PCLO: variants seen among roughly 807,000 people sequenced by gnomAD.
PCLO encodes piccolo presynaptic cytomatrix protein.
PCLO carries 82 observed loss-of-function variants against 427.5 expected under a neutral mutation model. The observed-to-expected ratio is 0.19, with a 90% CI of 0.16 to 0.23. The LOEUF is 0.23. Ranked by LOEUF, PCLO falls within the 10% of genes least tolerant of loss-of-function variation. The pLI, the probability that PCLO is intolerant of heterozygous loss-of-function variation, is 1.00. For missense variants in PCLO, 6,239 were observed against 6,115.9 expected (o/e 1.02, Z -0.67); for synonymous variants, 2,357 against 2,155.4 (o/e 1.09, Z -2.59).
intron 22 of PCLO, among the ~76,000 whole-genome samples, chr7:82,776,725 G>A (rs980972279): frequency 6.6e-6 from 1 of 152,108 alleles, no homozygotes; most frequent in Non-Finnish European, 1.5e-5. Flanking sequence ...AACCCAGGAG[G>A]TGGAGGTTGC....
chr7:83,078,688 T>C (rs1458423934), intron 3 of PCLO, among the ~76,000 whole-genome samples: 11 of 152,044 alleles, frequency 7.2e-5, no homozygotes, highest in African/African-American at 2.7e-4. Flanking sequence ...CACGCCGCTA[T>C]GCCCGGCTAA....
chr7:82,761,356 T>C lies in PCLO; in HGVS notation c.15142+3A>G. 1.4e-6 allele frequency: 2 copies of C among 1,414,404 alleles called. No individual in the cohort carries two copies. The highest frequency in any genetic ancestry group is 1.9e-6 in the Non-Finnish European group (2 of 1,029,644). The allele number at this position is 1,414,404 out of a possible 1,614,324, so 87.6% of individuals were successfully genotyped here. On this transcript the variant is annotated splice_donor_region_variant and intron_variant, in intron 23 of 24. Coordinates refer to ENST00000333891, the MANE Select transcript of PCLO (RefSeq NM_033026.6). ...TATTGATGATTATAATAGAATTAGA[T>C]ACCTGGTAGATGATCAGGAGACTTA...
At chr7:82,858,489 T>A (rs1792865079) in intron 10 of PCLO, among the ~76,000 whole-genome samples, 1 of 152,098 alleles carries the variant, frequency 6.6e-6, no homozygotes, top group Non-Finnish European at 1.5e-5. Context: ...AATACATCTA[T>A]ACTGGAGAAG....
At chr7:82,986,668 C>A (rs926813499) in intron 3 of PCLO, among the ~76,000 whole-genome samples, 12 of 151,944 alleles carry the variant, frequency 7.9e-5, no homozygotes, top group African/African-American at 2.9e-4. Flanking sequence ...AAACATTTTA[C>A]AAATAAAATT....
chr7:83,124,591 G>A (rs1398971899), intron 3 of PCLO, among the ~76,000 whole-genome samples: 2 of 152,258 alleles, frequency 1.3e-5, no homozygotes, highest in East Asian at 1.9e-4. Flanking sequence ...AGCCACTATG[G>A]AGAATAGTAT....
intron 10 of PCLO, among the ~76,000 whole-genome samples, chr7:82,853,944 C>T (rs1792733112): frequency 6.6e-6 from 1 of 152,068 alleles, no homozygotes; most frequent in Non-Finnish European, 1.5e-5. Context: ...TGTAAATATG[C>T]ATTTTTTGAG....
intron 3 of PCLO, among the ~76,000 whole-genome samples, chr7:83,038,148 T>C (rs7788334): frequency 7.8e-6 from 1 of 128,100 alleles, no homozygotes; most frequent in Non-Finnish European, 1.6e-5. Context: ...CACTCATATA[T>C]ACACATACAT....
chr7:82,986,275 C>T (rs1289061778), intron 3 of PCLO, among the ~76,000 whole-genome samples: 3 of 151,826 alleles, frequency 2.0e-5, no homozygotes, highest in East Asian at 3.9e-4. Flanking sequence ...TTGCAGATGG[C>T]CTCATTCATA....
chr7:83,046,968 AG>A (rs1789119262), intron 3 of PCLO, among the ~76,000 whole-genome samples: 1 of 151,918 alleles, frequency 6.6e-6, no homozygotes, highest in Non-Finnish European at 1.5e-5. Context: ...GGATAAAAAT[AG>A]CTAATTATTT....
intron 3 of PCLO, among the ~76,000 whole-genome samples, chr7:83,127,148 G>A (rs1042715255): frequency 6.6e-6 from 1 of 151,992 alleles, no homozygotes; most frequent in African/African-American, 2.4e-5. Flanking sequence ...ATGTCTGTAA[G>A]TACTGTGAGA....
chr7:83,017,724 A>AT (rs1788243461), intron 3 of PCLO, among the ~76,000 whole-genome samples: 2 of 152,060 alleles, frequency 1.3e-5, no homozygotes, highest in Non-Finnish European at 2.9e-5. Context: ...GAAAAGAGAC[A>AT]TTTAAAAAAA....
chr7:82,933,613 C>T (rs1204291025), intron 6 of PCLO, among the ~76,000 whole-genome samples: 2 of 103,746 alleles, frequency 1.9e-5, no homozygotes, highest in Non-Finnish European at 4.1e-5. Flanking sequence ...TGAAGAAATG[C>T]TCCAGATAAA....
chr7:82,998,491 G>C (rs1316628834), intron 3 of PCLO, among the ~76,000 whole-genome samples: 2 of 151,834 alleles, frequency 1.3e-5, no homozygotes. Context: ...CTGACTAGGG[G>C]GAAAGGAAAT....
intron 3 of PCLO, among the ~76,000 whole-genome samples, chr7:83,010,842 C>T (rs1788059987): frequency 6.6e-6 from 1 of 151,926 alleles, no homozygotes; most frequent in Non-Finnish European, 1.5e-5. Flanking sequence ...CCAATAAATC[C>T]TTCAATAATT....
chr7:83,084,566 T>C (rs1198546681), intron 3 of PCLO, among the ~76,000 whole-genome samples: 1 of 152,168 alleles, frequency 6.6e-6, no homozygotes, highest in Non-Finnish European at 1.5e-5. Context: ...CTGTATTTTT[T>C]CAGAAAGAAT....
chr7:83,097,464 G>C (rs1040166515), intron 3 of PCLO, among the ~76,000 whole-genome samples: 1 of 146,632 alleles, frequency 6.8e-6, no homozygotes, highest in Non-Finnish European at 1.5e-5. Context: ...GGAGCTTGCA[G>C]TGAGCCGAGA....
chr7:82,969,473 T>C (rs1042292161), intron 3 of PCLO, among the ~76,000 whole-genome samples: 1 of 152,094 alleles, frequency 6.6e-6, no homozygotes, highest in African/African-American at 2.4e-5. Context: ...TTTTAAATAA[T>C]TGCTATTTTG....
At chr7:82,941,767 C>T (rs1199833315) in intron 6 of PCLO, among the ~76,000 whole-genome samples, 1 of 152,156 alleles carries the variant, frequency 6.6e-6, no homozygotes, top group African/African-American at 2.4e-5. Flanking sequence ...ATACCCCAAA[C>T]TTTTCCAAAT....
intron 6 of PCLO, among the ~76,000 whole-genome samples, chr7:82,928,938 T>C (rs1319806362): frequency 6.6e-6 from 1 of 152,000 alleles, no homozygotes; most frequent in Non-Finnish European, 1.5e-5. Context: ...ATATACTAGG[T>C]TGAAAAATAA....
Sources: allele counts gnomAD v4.1 joint callset (sites outside exome capture counted in the v4.1 genomes callset), GRCh38; gene constraint gnomAD v4.1.1; transcripts MANE v1.5; gene names NCBI Gene and HGNC (gene_info 2026-07-23, HGNC 2026-07-21).